TNFRSF8: variants seen among roughly 807,000 people sequenced by gnomAD.
TNFRSF8 encodes tumor necrosis factor receptor superfamily member 8.
TNFRSF8 carries 26 observed loss-of-function variants against 70.8 expected under a neutral mutation model. The ratio of observed to expected loss-of-function variants is 0.37; its 90% CI spans 0.27 to 0.51. The LOEUF (loss-of-function observed/expected upper bound fraction) is 0.51, where lower values mean the gene tolerates loss of function less well. Ranked by LOEUF, TNFRSF8 falls within the 20% of genes least tolerant of loss-of-function variation. The pLI, the probability that TNFRSF8 is intolerant of heterozygous loss-of-function variation, is 0.94. For synonymous variants in TNFRSF8, 356 were observed against 339.2 expected (o/e 1.05, Z -0.54); for missense variants, 720 against 807.9 (o/e 0.89, Z 1.32).
chr1:12,126,345 T>C lies in TNFRSF8; in HGVS notation c.1309+109T>C. 2.3e-6 allele frequency: 3 copies of C among 1,297,066 alleles called. No individual in the cohort carries two copies. The South Asian group carries it at 3.6e-5, about 16-fold the overall frequency. The allele number at this position is 1,297,066 out of a possible 1,614,324, so 80.3% of individuals were successfully genotyped here. A position where few individuals can be genotyped will look rare whatever the true frequency, so the allele number is the denominator to read the frequency against. ...TGAACTTCTACCCCAGCCTCGAAGC[T>C]CCCTGTCTGTGGCTCCTGTCGCATT... On this transcript the variant is annotated intron_variant, in intron 12 of 14. Transcript: ENST00000263932.
rs567042331 is a variant in TNFRSF8 at position 12,088,411 on chromosome 1, G to A, written c.151+3860G>A. 4.6e-5 allele frequency among the ~76,000 whole-genome samples: 7 copies of A among 152,248 alleles called. No individual in the cohort carries two copies. The highest frequency in any genetic ancestry group is 8.8e-5 in the Non-Finnish European group (6 of 68,016). On this transcript the variant is annotated intron_variant, in intron 2 of 14. Coordinates refer to ENST00000263932, the MANE Select transcript of TNFRSF8 (RefSeq NM_001243.5). The surrounding 1 kb of genome is among the most constrained non-coding windows in gnomAD (Gnocchi z 4.0). Reference sequence around the variant, plus strand: ...CAGGAATTTGCACAAGGCCACATGCGTATCAGTGGCTCAGCCGGGCCGTGA... The same window carrying A: ...CAGGAATTTGCACAAGGCCACATGCATATCAGTGGCTCAGCCGGGCCGTGA...
At chr1:12,090,928 A>G (rs1178606117) in intron 2 of TNFRSF8, among the ~76,000 whole-genome samples, 2 of 152,084 alleles carry the variant, frequency 1.3e-5, no homozygotes, top group African/African-American at 4.8e-5. Context: ...GGTCTTTAAA[A>G]AGGCAATTGA....
chr1:12,134,780 C>T (rs1304563089), intron 12 of TNFRSF8, among the ~76,000 whole-genome samples: 1 of 152,228 alleles, frequency 6.6e-6, no homozygotes, highest in Non-Finnish European at 1.5e-5. Flanking sequence ...ATCCATCATC[C>T]TGTCTCCATG....
chr1:12,128,830 ATTCT>A (rs1195779087), intron 12 of TNFRSF8, among the ~76,000 whole-genome samples: 1 of 72,328 alleles, frequency 1.4e-5, no homozygotes, highest in Non-Finnish European at 2.7e-5. Flanking sequence ...CTGGTCTAAA[ATTCT>A]TTTTTTTTTT....
At chr1:12,082,561 AAAC>A (rs1557578474) in intron 1 of TNFRSF8, among the ~76,000 whole-genome samples, 1 of 150,508 alleles carries the variant, frequency 6.6e-6, no homozygotes, top group African/African-American at 2.4e-5. Flanking sequence ...AAAAAAAAAA[AAAC>A]AAAAACAAAA....
chr1:12,095,200 T>C lies in TNFRSF8; in HGVS notation c.152-1901T>C, dbSNP rs116258707. ...TACAGTAGCTGCAGATGTTGTGAAA[T>C]GTTGTCTGGGCTCATCATTGCTTTG... On this transcript the variant is annotated intron_variant, in intron 2 of 14. Coordinates refer to ENST00000263932, the MANE Select transcript of TNFRSF8 (RefSeq NM_001243.5). Among the ~76,000 whole-genome samples the C allele has an allele frequency of 2.0e-3, 307 of 152,324 alleles. 1 individual carries two copies. Among genetic ancestry groups the C allele is most frequent in the Non-Finnish European group, 3.3e-3 (224 of 68,022 alleles).
chr1:12,097,972 G>A (rs957736316), intron 3 of TNFRSF8, among the ~76,000 whole-genome samples: 2 of 152,030 alleles, frequency 1.3e-5, no homozygotes, highest in African/African-American at 4.8e-5. Context: ...TGAGAGATGT[G>A]TTAAAATCTT....
chr1:12,077,880 T>C (rs946077999), intron 1 of TNFRSF8: 50 of 152,158 alleles, frequency 3.3e-4, no homozygotes, highest in African/African-American at 1.2e-3. Flanking sequence ...TTTTTTTTTT[T>C]TTAAATATGG....
intron 1 of TNFRSF8, among the ~76,000 whole-genome samples, chr1:12,075,600 C>T (rs1640930709): frequency 1.3e-5 from 2 of 152,182 alleles, no homozygotes; most frequent in African/African-American, 2.4e-5. Flanking sequence ...AGCGGGTTCA[C>T]AACCTCGATG....
rs879707414 is a variant in TNFRSF8, at chr1:12,143,092, C to A, written c.*561C>A. On this transcript the variant is annotated 3_prime_UTR_variant, in exon 15 of 15. Transcript: ENST00000263932. This position sits in a 1 kb window ranked among gnomAD's most constrained non-coding sequence, Gnocchi z 4.1. ...AAAGGGAAGTCGAGGGATGGGGCGT[C>A]GTCAGCTGGCACTGTCTCTGCTGCA... 1 of 155,442 alleles carries A rather than the reference C, an allele frequency of 6.4e-6. No individual in the cohort carries two copies. Among genetic ancestry groups the A allele is most frequent in the Non-Finnish European group, 1.4e-5 (1 of 69,956 alleles). 9.6% of individuals were successfully genotyped at this position (155,442 alleles called of 1,614,324 possible). A position where few individuals can be genotyped will look rare whatever the true frequency, so the allele number is the denominator to read the frequency against.
At chr1:12,129,546 C>T (rs1306663676) in intron 12 of TNFRSF8, among the ~76,000 whole-genome samples, 2 of 152,208 alleles carry the variant, frequency 1.3e-5, no homozygotes, top group South Asian at 2.1e-4. Flanking sequence ...TCCTTCTGTC[C>T]GGATCCGTTC....
chr1:12,128,833 C>CTTTTTTTT (rs60878706), intron 12 of TNFRSF8, among the ~76,000 whole-genome samples: 20 of 111,768 alleles, frequency 1.8e-4, no homozygotes, highest in South Asian at 2.9e-4. Context: ...GTCTAAAATT[C>CTTTTTTTT]TTTTTTTTTT....
intron 3 of TNFRSF8, among the ~76,000 whole-genome samples, chr1:12,103,986 C>T (rs1481794177): frequency 1.3e-5 from 2 of 152,186 alleles, no homozygotes; most frequent in African/African-American, 2.4e-5. Context: ...AGAATATTTT[C>T]ACTGCCCTAA....
chr1:12,120,905 C>G (rs180988302), intron 8 of TNFRSF8, among the ~76,000 whole-genome samples: 1 of 152,196 alleles, frequency 6.6e-6, no homozygotes, highest in African/African-American at 2.4e-5. Flanking sequence ...TAGGTTCCCC[C>G]CTTCTGCACA....
chr1:12,138,619 G>C lies in TNFRSF8; in HGVS notation c.1543+183G>C, dbSNP rs973907084. Among the ~76,000 whole-genome samples, 1 of 152,148 alleles carries C rather than the reference G, an allele frequency of 6.6e-6. No individual in the cohort carries two copies. The highest frequency in any genetic ancestry group is 1.5e-5 in the Non-Finnish European group (1 of 68,024). On this transcript the variant is annotated intron_variant, in intron 14 of 14. Transcript: ENST00000263932. The surrounding 1 kb of genome is among the most constrained non-coding windows in gnomAD (Gnocchi z 5.7). ...TAGGGACAGCGAGGGTACTTACCTC[G>C]TAGGCCATTGTGCGGATTCATGAGC...
chr1:12,082,549 C>CAAAAAA (rs34818321), intron 1 of TNFRSF8, among the ~76,000 whole-genome samples: 4 of 121,240 alleles, frequency 3.3e-5, no homozygotes, highest in African/African-American at 9.1e-5. Flanking sequence ...GACCCTGTCT[C>CAAAAAA]AAAAAAAAAA....
intron 13 of TNFRSF8, among the ~76,000 whole-genome samples, chr1:12,137,570 T>TTTTTTTTTG (rs1301044148): frequency 0.019 from 2,588 of 135,036 alleles, 69 homozygotes; most frequent in African/African-American, 0.071. Context: ...TTTTTTTTTG[T>TTTTTTTTTG]TTTTTTTTTA....
At chr1:12,068,788 C>G (rs1375018319) in intron 1 of TNFRSF8, among the ~76,000 whole-genome samples, 1 of 152,110 alleles carries the variant, frequency 6.6e-6, no homozygotes, top group Admixed American at 6.5e-5. Flanking sequence ...GATGCTTGCT[C>G]CTTGCTGAGG....
At chr1:12,093,880 G>T (rs1641286365) in intron 2 of TNFRSF8, among the ~76,000 whole-genome samples, 1 of 151,932 alleles carries the variant, frequency 6.6e-6, no homozygotes. Context: ...GAGCATCTTG[G>T]CTAACACGGT....
Sources: gnomAD v4.1 joint callset for allele counts (sites outside exome capture counted in the v4.1 genomes callset) on GRCh38, gnomAD v4.1.1 for gene constraint, Gnocchi (gnomAD v3.1) non-coding constraint, MANE v1.5 for transcripts, NCBI Gene and HGNC (gene_info 2026-07-23, HGNC 2026-07-21) for gene names.